Variants in ZNF592 observed in about 807,000 individuals in gnomAD.
ZNF592 encodes spinocerebellar ataxia, autosomal recessive 5.
Under a neutral mutation model 80.3 loss-of-function variants are expected in ZNF592, and 11 were observed. That is an observed-to-expected ratio of 0.14 (90% confidence interval 0.09 to 0.23). The LOEUF (loss-of-function observed/expected upper bound fraction) is 0.23, where lower values mean the gene tolerates loss of function less well. ZNF592 is among the 10% of genes least tolerant of loss of function. The pLI is 1.00. For missense variants in ZNF592, 1,420 were observed against 1,633.9 expected (o/e 0.87, Z 2.26); for synonymous variants, 646 against 640.3 (o/e 1.01, Z -0.13).
Position 84,798,523 on chromosome 15 carries a change from G to C in ZNF592, c.2736+49G>C, listed in dbSNP as rs747798249. ...CCGGGGAGGAGGGCACATGCCTCAG[G>C]CTGGGGGTCTGACTCTGTGCATCTT... is the stretch of plus-strand genomic sequence containing the variant. On this transcript the variant is annotated intron_variant, in intron 7 of 10. Transcript: ENST00000560079. The surrounding 1 kb of genome is among the most constrained non-coding windows in gnomAD (Gnocchi z 4.5). 1 of 1,613,938 alleles carries C rather than the reference G, an allele frequency of 6.2e-7. No homozygotes were observed. Among genetic ancestry groups the C allele is most frequent in the Non-Finnish European group, 8.5e-7 (1 of 1,179,912 alleles).
At chr15:84,763,599 T>C (rs1899414196) in intron 1 of ZNF592, among the ~76,000 whole-genome samples, 1 of 152,192 alleles carries the variant, frequency 6.6e-6, no homozygotes, top group African/African-American at 2.4e-5. Context: ...AAGGAAAAAC[T>C]TCAGGAAAGT....
At chr15:84,748,720 G>T (rs1898919898) in intron 1 of ZNF592, 56 bp downstream of exon 1, 2 of 148,008 alleles carry the variant, frequency 1.4e-5, no homozygotes, top group African/African-American at 2.4e-5. Flanking sequence ...GGCAGCCCCA[G>T]CCTGGGCCCG....
chr15:84,752,095 C>T (rs950585699), intron 1 of ZNF592, among the ~76,000 whole-genome samples: 2 of 152,138 alleles, frequency 1.3e-5, no homozygotes, highest in Non-Finnish European at 2.9e-5. Flanking sequence ...GAAATATCCA[C>T]GTTGCATCTC....
At chr15:84,794,294 G>T (rs565294335) in intron 5 of ZNF592, among the ~76,000 whole-genome samples, 1 of 152,270 alleles carries the variant, frequency 6.6e-6, no homozygotes, top group African/African-American at 2.4e-5. Context: ...GAAACTGTCA[G>T]ACTATTTTCC....
Position 84,757,155 on chromosome 15 carries a change from T to C in ZNF592, c.-258-7552T>C, listed in dbSNP as rs936520403. Among the ~76,000 whole-genome samples, 11 of 151,994 alleles carry C rather than the reference T, an allele frequency of 7.2e-5. 1 individual carries two copies. The highest frequency in any genetic ancestry group is 3.9e-4 in the Admixed American group (6 of 15,234). On this transcript the variant is annotated intron_variant, in intron 1 of 10. Coordinates refer to ENST00000560079, the MANE Select transcript of ZNF592 (RefSeq NM_014630.3). ...TTTTGTAGTGATGATGGGGTCTTGC[T>C]ATATTGACCAAGCCAGTCTCAAACT... is the stretch of plus-strand genomic sequence containing the variant.
In ZNF592 at chr15:84,784,521, C is replaced by CT; in HGVS notation, c.1847dup (p.Cys617ValfsTer22). ...CCGGCGGAGCGTCCACATTGAGGTA[C>CT]TGTGCACACTGTGCTCCAAGACGCT... On this transcript the variant is annotated frameshift_variant, in exon 4 of 11. Coordinates refer to ENST00000560079, the MANE Select transcript of ZNF592 (RefSeq NM_014630.3). LOFTEE classifies it high-confidence loss of function. This position sits in a 1 kb window ranked among gnomAD's most constrained non-coding sequence, Gnocchi z 5.8. 6.2e-7 allele frequency: 1 copy of CT among 1,614,204 alleles called. No homozygotes were observed. The highest frequency in any genetic ancestry group is 8.5e-7 in the Non-Finnish European group (1 of 1,180,046).
chr15:84,799,783 A>G lies in ZNF592; in HGVS notation c.3138-59A>G. ...CCTCCTTCCTGGCCTTGGTGTGAAT[A>G]GCACTGAGGGAGCCTGCGGCCCGGG... On this transcript the variant is annotated intron_variant, in intron 9 of 10. Transcript: ENST00000560079. The surrounding 1 kb of genome is among the most constrained non-coding windows in gnomAD (Gnocchi z 4.2). 1 of 1,609,244 alleles carries G rather than the reference A, an allele frequency of 6.2e-7. No homozygotes were observed. Among genetic ancestry groups the G allele is most frequent in the South Asian group, 1.1e-5 (1 of 90,956 alleles).
chr15:84,798,110 G>T lies in ZNF592; in HGVS notation c.2576+65G>T. Reference sequence around the variant, plus strand: ...AGAGGAGTAGCCTGGGTGCTGTAGGGGGTGGCATAGGGATGGGTGAGGGAG... The same window carrying T: ...AGAGGAGTAGCCTGGGTGCTGTAGGTGGTGGCATAGGGATGGGTGAGGGAG... On this transcript the variant is annotated intron_variant, in intron 6 of 10. Coordinates refer to ENST00000560079, the MANE Select transcript of ZNF592 (RefSeq NM_014630.3). This position sits in a 1 kb window ranked among gnomAD's most constrained non-coding sequence, Gnocchi z 4.5. 3 of 1,593,740 alleles carry T rather than the reference G, an allele frequency of 1.9e-6. No homozygotes were observed. The highest frequency in any genetic ancestry group is 2.6e-6 in the Non-Finnish European group (3 of 1,171,566).
chr15:84,795,348 T>C (rs1310740576), intron 5 of ZNF592, among the ~76,000 whole-genome samples: 1 of 152,234 alleles, frequency 6.6e-6, no homozygotes, highest in African/African-American at 2.4e-5. Context: ...TGTGGTCAAG[T>C]GCGGTGTCAT....
At chr15:84,788,738 C>T (rs1962656577) in intron 4 of ZNF592, among the ~76,000 whole-genome samples, 1 of 152,164 alleles carries the variant, frequency 6.6e-6, no homozygotes, top group South Asian at 2.1e-4. Flanking sequence ...AAAAACAATT[C>T]CCATTTATCT....
chr15:84,794,449 A>C (rs1326634919), intron 5 of ZNF592, among the ~76,000 whole-genome samples: 1 of 151,482 alleles, frequency 6.6e-6, no homozygotes, highest in East Asian at 1.9e-4. Context: ...CTGATGGTTA[A>C]CGGTGTTGAT....
intron 1 of ZNF592, among the ~76,000 whole-genome samples, chr15:84,759,443 CGCTGCT>C (rs1899277165): frequency 6.6e-6 from 1 of 152,104 alleles, no homozygotes; most frequent in African/African-American, 2.4e-5. Context: ...CTCCCCTTGA[CGCTGCT>C]TCCTAAGTGC....
At chr15:84,790,906 T>C in intron 5 of ZNF592, 23 bp downstream of exon 5, 1 of 1,614,112 alleles carries the variant, frequency 6.2e-7, no homozygotes, top group Non-Finnish European at 8.5e-7. Flanking sequence ...TGGCTTGCTG[T>C]CCTGGTATTG....
chr15:84,759,953 T>C (rs1161498987), intron 1 of ZNF592, among the ~76,000 whole-genome samples: 1 of 47,460 alleles, frequency 2.1e-5, no homozygotes, highest in South Asian at 7.1e-4. Flanking sequence ...ATTGGGGAGA[T>C]TCCCCCCCCC....
rs1963216559 is a variant in ZNF592, at chr15:84,805,546, A to G, written c.*3153A>G. 1.3e-5 allele frequency: 2 copies of G among 152,762 alleles called. No individual in the cohort carries two copies. The highest frequency in any genetic ancestry group is 4.1e-4 in the South Asian group (2 of 4,826). 9.5% of individuals were successfully genotyped at this position (152,762 alleles called of 1,614,324 possible). ...TTTCCAACTGCTTTATCTCTGTAAAATGATATGCTGAATTATTATAAGCTA... is the reference window on the plus strand; with the variant it reads ...TTTCCAACTGCTTTATCTCTGTAAAGTGATATGCTGAATTATTATAAGCTA... On this transcript the variant is annotated 3_prime_UTR_variant, in exon 11 of 11. Coordinates refer to ENST00000560079, the MANE Select transcript of ZNF592 (RefSeq NM_014630.3).
rs1315046751 is a variant in ZNF592, at chr15:84,797,883, G to A, written c.2414G>A (p.Gly805Asp). The A allele has an allele frequency of 6.2e-7, 1 of 1,614,068 alleles. No individual in the cohort carries two copies. ...RKVGYRCIHC[G>D]VVHLTLALLK... is the part of the protein sequence containing the mutation. ...CTTCTGTCTAGGTGCATCCACTGTG[G>A]TGTCGTCCACCTGACCTTGGCCTTG... The change falls in exon 6 of 11, where the codon GGT (glycine) becomes GAT (aspartate). Residue 805 changes from glycine to aspartate, a missense_variant. Around this residue, in one of 7 missense-constraint regions of ZNF592, gnomAD observed 13 missense variants for 42.3 expected, o/e 0.31. Transcript: ENST00000560079.
At chr15:84,800,626 G>A (rs1459847877) in intron 10 of ZNF592, among the ~76,000 whole-genome samples, 1 of 152,196 alleles carries the variant, frequency 6.6e-6, no homozygotes, top group Non-Finnish European at 1.5e-5. Context: ...CTAATCAGAT[G>A]GTGTCAGTAG....
intron 5 of ZNF592, among the ~76,000 whole-genome samples, chr15:84,793,703 CT>C (rs1344859245): frequency 1.3e-5 from 2 of 152,228 alleles, no homozygotes; most frequent in Non-Finnish European, 2.9e-5. Context: ...TTCTTCCCCC[CT>C]AGCCCTAGGC....
At chr15:84,770,850 T>C (rs1899678412) in intron 2 of ZNF592, among the ~76,000 whole-genome samples, 1 of 152,208 alleles carries the variant, frequency 6.6e-6, no homozygotes, top group African/African-American at 2.4e-5. Flanking sequence ...TGGAAGCCCC[T>C]GGACCAGATA....
Sources: allele counts gnomAD v4.1 joint callset (sites outside exome capture counted in the v4.1 genomes callset), GRCh38; gene constraint gnomAD v4.1.1; regional missense constraint gnomAD v4.1.1; non-coding constraint Gnocchi (gnomAD v3.1); transcripts MANE v1.5; gene names NCBI Gene and HGNC (gene_info 2026-07-23, HGNC 2026-07-21).